The following PDE8B variants were observed in gnomAD, a reference collection of about 807,000 sequenced individuals.
The protein encoded by PDE8B is phosphodiesterase 8B, also known as high affinity cAMP-specific and IBMX-insensitive 3',5'-cyclic phosphodiesterase 8B.
Under a neutral mutation model 101.3 loss-of-function variants are expected in PDE8B, and 26 were observed. That is an observed-to-expected ratio of 0.26 (90% CI 0.19 to 0.36). The LOEUF (loss-of-function observed/expected upper bound fraction) is 0.36. PDE8B is among the 10% of genes least tolerant of loss of function. The probability of loss-of-function intolerance (pLI) is 1.00; values close to 1 mark genes in which losing one functional copy is unlikely to be tolerated. For synonymous variants in PDE8B, 424 were observed against 429.3 expected (o/e 0.99, Z 0.15); for missense variants, 810 against 1,163.1 (o/e 0.70, Z 4.42).
chr5:77,421,821 A>G lies in PDE8B; in HGVS notation c.2251A>G (p.Ile751Val), dbSNP rs930292515. ...NSINKPMAAE[I>V]EGSDCECNPA... ...CCTGATCTGACCATCTGTTTTCCAG[A>G]TTGAAGGCAGCGACTGTGAATGCAA... The change falls in exon 20 of 22, where the codon ATT becomes GTT. Residue 751 changes from isoleucine to valine, a missense_variant and splice_region_variant. Transcript: ENST00000264917. 2 of 1,613,988 alleles carry G rather than the reference A, an allele frequency of 1.2e-6. No individual in the cohort carries two copies. Among genetic ancestry groups the G allele is most frequent in the African/African-American group, 1.3e-5 (1 of 75,052 alleles).
At chr5:77,290,908 A>G in intron 1 of PDE8B, 1 of 1,606,714 alleles carries the variant, frequency 6.2e-7, no homozygotes, top group East Asian at 2.2e-5. Flanking sequence ...GAGGACAACA[A>G]GCTGCTTGGT....
intron 1 of PDE8B, among the ~76,000 whole-genome samples, chr5:77,302,749 T>A (rs967848162): frequency 6.6e-6 from 1 of 152,224 alleles, no homozygotes; most frequent in Non-Finnish European, 1.5e-5. Flanking sequence ...TGGGCTTAAA[T>A]CTCAGCTTCA....
chr5:77,413,348 T>A, intron 17 of PDE8B, 39 bp downstream of exon 17: 9 of 1,542,212 alleles, frequency 5.8e-6, no homozygotes, highest in Non-Finnish European at 8.1e-6. Flanking sequence ...CCTGCCTGGA[T>A]TGGAGATCCA....
chr5:77,166,690 G>C, the PDE8B span: 1 of 152,138 alleles, frequency 6.6e-6, no homozygotes, highest in Non-Finnish European at 1.5e-5. Context: ...ACTCTGGAGT[G>C]GGGGAAGAGG....
the PDE8B span, among the ~76,000 whole-genome samples, chr5:77,189,537 A>C: frequency 6.6e-6 from 1 of 152,184 alleles, no homozygotes; most frequent in Non-Finnish European, 1.5e-5. Context: ...GCCTGAAGGA[A>C]GTGGGGAGTG....
At chr5:77,155,730 C>T in the PDE8B span, among the ~76,000 whole-genome samples, 8 of 152,120 alleles carry the variant, frequency 5.3e-5, no homozygotes, top group East Asian at 1.9e-4. Context: ...CCTAACTTGC[C>T]GATGATGGTA....
At chr5:77,291,159 G>A (rs1767234858) in intron 1 of PDE8B, 1 of 1,610,676 alleles carries the variant, frequency 6.2e-7, no homozygotes, top group African/African-American at 1.3e-5. Context: ...TGTGGGAATA[G>A]CTGGCCAGAG....
chr5:77,416,540 A>G (rs1206912819), intron 17 of PDE8B, among the ~76,000 whole-genome samples: 2 of 152,178 alleles, frequency 1.3e-5, no homozygotes, highest in East Asian at 3.9e-4. Flanking sequence ...TGCAGAATCA[A>G]TCTCTGAGAA....
intron 17 of PDE8B, 135 bp downstream of exon 17, chr5:77,413,444 A>G (rs2279094): frequency 0.17 from 122,810 of 705,658 alleles, 12,192 homozygotes; most frequent in African/African-American, 0.35. Context: ...TTTGTTACCA[A>G]ATTGACTAGT....
chr5:77,175,408 A>G, the PDE8B span, among the ~76,000 whole-genome samples: 292 of 152,260 alleles, frequency 1.9e-3, no homozygotes, highest in African/African-American at 6.6e-3. Context: ...AGGATTTTGC[A>G]TTTGCAATTC....
chr5:77,169,206 C>T, the PDE8B span, among the ~76,000 whole-genome samples: 8 of 152,166 alleles, frequency 5.3e-5, no homozygotes, highest in East Asian at 3.8e-4. Context: ...AAGTGTTTCC[C>T]GTAGCACCAA....
chr5:77,188,996 G>A, the PDE8B span, among the ~76,000 whole-genome samples: 27 of 152,168 alleles, frequency 1.8e-4, no homozygotes, highest in Admixed American at 6.5e-5. Context: ...TGGCCCAGGT[G>A]TAGTTGGTCT....
chr5:77,336,196 CT>C (rs1014411621), intron 5 of PDE8B, among the ~76,000 whole-genome samples: 8 of 151,658 alleles, frequency 5.3e-5, no homozygotes, highest in South Asian at 2.1e-4. Flanking sequence ...ACATGAAAGC[CT>C]TTTTTTTCAA....
intron 1 of PDE8B, among the ~76,000 whole-genome samples, chr5:77,223,078 A>C (rs1478591522): frequency 6.6e-6 from 1 of 152,218 alleles, no homozygotes; most frequent in African/African-American, 2.4e-5. Context: ...TGCACATGTA[A>C]TTGTAAAATT....
At chr5:77,177,722 A>C in the PDE8B span, among the ~76,000 whole-genome samples, 1 of 152,244 alleles carries the variant, frequency 6.6e-6, no homozygotes. Flanking sequence ...CTGACAGCCA[A>C]GGTGTCTACT....
At chr5:77,261,015 T>C (rs552471123) in intron 1 of PDE8B, among the ~76,000 whole-genome samples, 70 of 152,304 alleles carry the variant, frequency 4.6e-4, no homozygotes, top group African/African-American at 1.4e-3. Flanking sequence ...TTGGGAACGA[T>C]TGATCAAGAC....
intron 1 of PDE8B, among the ~76,000 whole-genome samples, chr5:77,237,394 C>T (rs933546163): frequency 6.6e-6 from 1 of 152,018 alleles, no homozygotes; most frequent in Non-Finnish European, 1.5e-5. Flanking sequence ...TTTTTTACTA[C>T]ATCTCTTTGT....
intron 1 of PDE8B, among the ~76,000 whole-genome samples, chr5:77,231,438 G>C (rs1753538242): frequency 6.6e-6 from 1 of 152,162 alleles, no homozygotes; most frequent in Admixed American, 6.5e-5. Context: ...GTTTTTCTTT[G>C]GTTACAGTGG....
the PDE8B span, among the ~76,000 whole-genome samples, chr5:77,110,160 CT>C: frequency 5.3e-5 from 8 of 151,888 alleles, no homozygotes; most frequent in Non-Finnish European, 1.2e-4. Context: ...GTTGACCGGG[CT>C]GGTCTTGAAC....
Sources: allele counts gnomAD v4.1 joint callset (sites outside exome capture counted in the v4.1 genomes callset), GRCh38; gene constraint gnomAD v4.1.1; transcripts MANE v1.5; gene names NCBI Gene and HGNC (gene_info 2026-07-23, HGNC 2026-07-21).